RAB22A: variants seen among roughly 807,000 people sequenced by gnomAD.
RAB22A encodes ras-related protein Rab-22A.
RAB22A carries 13 observed loss-of-function variants against 30.2 expected under a neutral mutation model. The observed-to-expected ratio is 0.43, with a 90% CI of 0.28 to 0.68. The LOEUF is 0.68. Ranked by LOEUF, RAB22A falls within the 30% of genes least tolerant of loss-of-function variation. The pLI is 0.18. For missense variants in RAB22A, 177 were observed against 246.8 expected, an observed-to-expected ratio of 0.72 and a Z score of 1.89; for synonymous variants, 89 against 87.2, an observed-to-expected ratio of 1.02 and a Z score of -0.11.
chr20:58,328,048 AT>A (rs931415051), intron 2 of RAB22A, among the ~76,000 whole-genome samples: 2 of 152,236 alleles, frequency 1.3e-5, no homozygotes, highest in African/African-American at 4.8e-5. Flanking sequence ...AGTTTTGATT[AT>A]CTTACTCTGC....
In RAB22A at chr20:58,365,166, G is replaced by A. The variant is rs577420775; in HGVS notation, c.*5463G>A. ...TGATTCAGGAACTTTTCATTGTTTG[G>A]GGAAGCTTTTGAATGCAGTACTGTG... is the stretch of plus-strand genomic sequence containing the variant. On this transcript the variant is annotated 3_prime_UTR_variant, in exon 7 of 7. Transcript: ENST00000244040. 1 of 152,214 alleles carries A rather than the reference G, an allele frequency of 6.6e-6. No homozygotes were observed. Among genetic ancestry groups the A allele is most frequent in the South Asian group, 2.1e-4 (1 of 4,820 alleles). The allele number at this position is 152,214 out of a possible 1,614,324, so 9.4% of individuals were successfully genotyped here.
chr20:58,338,717 C>T (rs1163583862), intron 2 of RAB22A, among the ~76,000 whole-genome samples: 1 of 152,198 alleles, frequency 6.6e-6, no homozygotes, highest in Non-Finnish European at 1.5e-5. Context: ...TTGCACCATT[C>T]TAACAGAGAC....
intron 2 of RAB22A, among the ~76,000 whole-genome samples, chr20:58,327,159 T>C (rs1986583093): frequency 6.6e-6 from 1 of 152,230 alleles, no homozygotes; most frequent in Admixed American, 6.5e-5. Flanking sequence ...AGGTCTTGAA[T>C]TTTGTCTTGA....
chr20:58,354,998 A>G (rs899347237), intron 6 of RAB22A, among the ~76,000 whole-genome samples: 6 of 152,246 alleles, frequency 3.9e-5, no homozygotes, highest in Non-Finnish European at 8.8e-5. Context: ...TCTGCAAGCA[A>G]TTGGGGAAGG....
At chr20:58,329,640 A>T (rs1228719340) in intron 2 of RAB22A, among the ~76,000 whole-genome samples, 2 of 152,160 alleles carry the variant, frequency 1.3e-5, no homozygotes, top group Admixed American at 1.3e-4. Flanking sequence ...AGTTTTACAA[A>T]ATTTGGGACA....
intron 2 of RAB22A, among the ~76,000 whole-genome samples, chr20:58,311,451 A>G (rs1429194437): frequency 2.6e-5 from 4 of 152,234 alleles, no homozygotes; most frequent in African/African-American, 4.8e-5. Flanking sequence ...TCCTGGTGCT[A>G]TTCTTTCAGG....
intron 2 of RAB22A, among the ~76,000 whole-genome samples, chr20:58,333,514 ATATG>A (rs71181963): frequency 0.054 from 8,166 of 152,246 alleles, 258 homozygotes; most frequent in Middle Eastern, 0.099. Flanking sequence ...CTTTAAATAT[ATATG>A]TAACAATTAT....
chr20:58,316,809 C>T (rs1228902076), intron 2 of RAB22A, among the ~76,000 whole-genome samples: 1 of 152,200 alleles, frequency 6.6e-6, no homozygotes, highest in South Asian at 2.1e-4. Flanking sequence ...CTCTCCTCCT[C>T]TTTCCATGGA....
rs1046475438 is a variant in RAB22A at position 58,366,742 on chromosome 20, G to A, written c.*7039G>A. The A allele has an allele frequency of 2.0e-5, 3 of 152,240 alleles. No homozygotes were observed. The highest frequency in any genetic ancestry group is 4.8e-5 in the African/African-American group (2 of 41,464). 9.4% of individuals were successfully genotyped at this position (152,240 alleles called of 1,614,324 possible). A position where few individuals can be genotyped will look rare whatever the true frequency, so the allele number is the denominator to read the frequency against. On this transcript the variant is annotated 3_prime_UTR_variant, in exon 7 of 7. Coordinates refer to ENST00000244040, the MANE Select transcript of RAB22A (RefSeq NM_020673.3). ...CTCGCTTACCGTGGGAACACGGCCA[G>A]TTAACAAAATGGGTTTTGGTTTTTT...
intron 2 of RAB22A, among the ~76,000 whole-genome samples, chr20:58,335,513 G>A (rs990996613): frequency 1.3e-5 from 2 of 152,274 alleles, no homozygotes; most frequent in East Asian, 1.9e-4. Flanking sequence ...AAAATCAAAG[G>A]TATGTAGTAT....
At chr20:58,351,266 G>A (rs1473534760) in intron 3 of RAB22A, among the ~76,000 whole-genome samples, 3 of 151,368 alleles carry the variant, frequency 2.0e-5, no homozygotes, top group African/African-American at 4.9e-5. Context: ...AACCCGGCAG[G>A]CAGAGCTTGC....
At chr20:58,353,997 A>G (rs555506224) in intron 5 of RAB22A, among the ~76,000 whole-genome samples, 159 bp from the exon 6 acceptor site, 9 of 152,254 alleles carry the variant, frequency 5.9e-5, no homozygotes, top group Non-Finnish European at 8.8e-5. Flanking sequence ...TTGTTTACCC[A>G]TGGATGTGGT....
In RAB22A at chr20:58,354,620, C is replaced by T. The variant is rs539334463; in HGVS notation, c.487+355C>T. On this transcript the variant is annotated intron_variant, in intron 6 of 6. Transcript: ENST00000244040. The stretch of plus-strand genomic sequence containing the variant: ...GAAATGAAATGCAGGTATACTTGCA[C>T]GGTAAGAAAACCCTCAAAAATAATA... Among the ~76,000 whole-genome samples the T allele has an allele frequency of 5.1e-4, 77 of 152,268 alleles. 2 individuals carry two copies. In the South Asian group the frequency reaches 9.7e-3, roughly 19 times the overall value.
chr20:58,343,871 C>G, intron 3 of RAB22A, 72 bp downstream of exon 3: 1 of 1,205,250 alleles, frequency 8.3e-7, no homozygotes, highest in Non-Finnish European at 1.2e-6. Context: ...GTCAGCATCC[C>G]TGTCATCTCA....
intron 1 of RAB22A, among the ~76,000 whole-genome samples, chr20:58,310,679 T>C (rs749395218): frequency 1.3e-5 from 2 of 152,104 alleles, no homozygotes; most frequent in Non-Finnish European, 2.9e-5. Context: ...TAATCTTTAT[T>C]CCCCCAAATA....
At chr20:58,317,228 C>A (rs1986359964) in intron 2 of RAB22A, among the ~76,000 whole-genome samples, 1 of 152,084 alleles carries the variant, frequency 6.6e-6, no homozygotes, top group African/African-American at 2.4e-5. Flanking sequence ...TCCCGAGTAG[C>A]TGGGATTACA....
chr20:58,319,532 C>T (rs2122928768), intron 2 of RAB22A, among the ~76,000 whole-genome samples: 1 of 152,302 alleles, frequency 6.6e-6, no homozygotes, highest in African/African-American at 2.4e-5. Context: ...TCTGGCTCCT[C>T]TGGGTCTTTT....
In RAB22A at chr20:58,324,378, A is replaced by G. The variant is rs180867920; in HGVS notation, c.116+13256A>G. Among the ~76,000 whole-genome samples the G allele has an allele frequency of 4.9e-3, 750 of 152,148 alleles. 3 individuals carry two copies. The highest frequency in any genetic ancestry group is 0.017 in the African/African-American group (716 of 41,512). ...ATTGACATAAAGATGTTAAGATTCT[A>G]TACGGAGACCCCGTTTTCATTTCTG... On this transcript the variant is annotated intron_variant, in intron 2 of 6. Coordinates refer to ENST00000244040, the MANE Select transcript of RAB22A (RefSeq NM_020673.3).
chr20:58,322,706 G>A (rs903970335), intron 2 of RAB22A, among the ~76,000 whole-genome samples: 9 of 152,276 alleles, frequency 5.9e-5, no homozygotes, highest in East Asian at 1.9e-4. Flanking sequence ...TCGCAAGAGC[G>A]TCCTTCTGTT....
Sources: gnomAD v4.1 joint callset for allele counts (sites outside exome capture counted in the v4.1 genomes callset) on GRCh38, gnomAD v4.1.1 for gene constraint, MANE v1.5 for transcripts, NCBI Gene and HGNC (gene_info 2026-07-23, HGNC 2026-07-21) for gene names.